Variants in OSBPL9 observed in about 807,000 individuals in gnomAD.
OSBPL9 encodes the protein oxysterol binding protein like 9.
A neutral mutation model predicts 106.6 loss-of-function variants in OSBPL9; 40 were observed. The ratio of observed to expected loss-of-function variants is 0.38; its 90% CI spans 0.29 to 0.49. OSBPL9 has a LOEUF of 0.49. OSBPL9 is among the 20% of genes least tolerant of loss of function. The pLI is 0.97. For synonymous variants in OSBPL9, 269 were observed against 295.4 expected (o/e 0.91, Z 0.92); for missense variants, 609 against 887.2 (o/e 0.69, Z 3.98).
chr1:51,630,759 A>G (rs1214213710), intron 1 of OSBPL9, among the ~76,000 whole-genome samples: 1 of 152,162 alleles, frequency 6.6e-6, no homozygotes, highest in Non-Finnish European at 1.5e-5. Context: ...ATAAACTTTT[A>G]ATTTTTTTAA....
chr1:51,735,821 G>T (rs1665554105), intron 4 of OSBPL9, among the ~76,000 whole-genome samples: 1 of 152,204 alleles, frequency 6.6e-6, no homozygotes, highest in Admixed American at 6.5e-5. Context: ...GATTGTCATT[G>T]CCTCATCTTG....
rs1647038981 is a variant in OSBPL9 at position 51,659,980 on chromosome 1, G to T, written c.162+7939G>T. Among the ~76,000 whole-genome samples, 3 of 152,096 alleles carry T rather than the reference G, an allele frequency of 2.0e-5. No individual in the cohort carries two copies. The South Asian group carries it at 6.2e-4, about 32-fold the overall frequency. ...TGGTATGGTGGTGTTATAAGAGACA[G>T]AAATAGATTAGCGGAATGGAAGAGA... On this transcript the variant is annotated intron_variant, in intron 2 of 23. Coordinates refer to ENST00000428468, the MANE Select transcript of OSBPL9 (RefSeq NM_024586.6).
chr1:51,611,188 A>G (rs1173761203), intron 2 of OSBPL9, among the ~76,000 whole-genome samples: 1 of 151,956 alleles, frequency 6.6e-6, no homozygotes, highest in Non-Finnish European at 1.5e-5. Context: ...CCTGAAAATC[A>G]TAGCTTTTCC....
At chr1:51,712,966 AC>A (rs1660365821) in intron 3 of OSBPL9, among the ~76,000 whole-genome samples, 1 of 152,136 alleles carries the variant, frequency 6.6e-6, no homozygotes, top group Non-Finnish European at 1.5e-5. Context: ...TTTCTGGGCC[AC>A]CCATATGACC....
intron 3 of OSBPL9, among the ~76,000 whole-genome samples, chr1:51,694,980 G>A (rs1235078638): frequency 6.6e-6 from 1 of 152,076 alleles, no homozygotes; most frequent in Non-Finnish European, 1.5e-5. Context: ...TTTGTCATTT[G>A]TTCTTTGTAG....
intron 1 of OSBPL9, among the ~76,000 whole-genome samples, chr1:51,639,913 C>T (rs1292455196): frequency 6.7e-6 from 1 of 148,606 alleles, no homozygotes; most frequent in African/African-American, 2.5e-5. Flanking sequence ...CAGCCTTGAC[C>T]TCCTGGGCTC....
intron 1 of OSBPL9, among the ~76,000 whole-genome samples, chr1:51,619,018 AC>A (rs1320478972): frequency 6.6e-6 from 1 of 152,226 alleles, no homozygotes; most frequent in Non-Finnish European, 1.5e-5. Flanking sequence ...AAAAGACTAA[AC>A]CTTAATGAGT....
At chr1:51,732,575 C>G (rs1664703739) in intron 4 of OSBPL9, among the ~76,000 whole-genome samples, 1 of 152,178 alleles carries the variant, frequency 6.6e-6, no homozygotes. Context: ...TCCTTATTTT[C>G]CATCTCCAGT....
intron 12 of OSBPL9, among the ~76,000 whole-genome samples, chr1:51,767,221 C>T (rs1230550090): frequency 6.6e-6 from 1 of 151,778 alleles, no homozygotes; most frequent in Non-Finnish European, 1.5e-5. Flanking sequence ...TGGTAAAACC[C>T]TGTCTCTAAA....
intron 1 of OSBPL9, 48 bp downstream of exon 1, chr1:51,617,269 C>G: frequency 6.5e-7 from 1 of 1,546,562 alleles, no homozygotes. Flanking sequence ...GCCGCGTTTC[C>G]TGGGTGGAGG....
chr1:51,626,505 C>G (rs1032195008), intron 1 of OSBPL9, among the ~76,000 whole-genome samples: 2 of 151,782 alleles, frequency 1.3e-5, no homozygotes, highest in African/African-American at 4.8e-5. Flanking sequence ...TAGCCTGTTG[C>G]TTTTTATTCT....
rs552701602 is a variant in OSBPL9 at position 51,589,148 on chromosome 1, G to A, written c.-422-8976G>A. Among the ~76,000 whole-genome samples the A allele has an allele frequency of 1.9e-3, 283 of 152,000 alleles. 1 individual carries two copies. The highest frequency in any genetic ancestry group is 6.1e-3 in the African/African-American group (255 of 41,464). ...CTGTCACCCAGGCTGGAGTGCAGTG[G>A]CACGATCTCAACTCACTGCAGCCTT... On this transcript the variant is annotated intron_variant, in intron 1 of 25. Coordinates refer to the OSBPL9 transcript ENST00000371714.
chr1:51,740,949 A>C (rs1571454589), intron 4 of OSBPL9, among the ~76,000 whole-genome samples: 1 of 152,330 alleles, frequency 6.6e-6, no homozygotes, highest in South Asian at 2.1e-4. Context: ...TCTCCAAAGC[A>C]ACTATAATTT....
At chr1:51,766,116 T>A in intron 12 of OSBPL9, 135 bp downstream of exon 12, 1 of 926,010 alleles carries the variant, frequency 1.1e-6, no homozygotes, top group Non-Finnish European at 1.5e-6. Context: ...GCAACCTTTT[T>A]AATAGAAGTT....
upstream of OSBPL9, among the ~76,000 whole-genome samples, chr1:51,573,066 G>T (rs1473784828): frequency 6.6e-6 from 1 of 152,076 alleles, no homozygotes; most frequent in Admixed American, 6.5e-5. Flanking sequence ...ACAAAAATTA[G>T]CTGGGTGTGA....
Position 51,789,075 on chromosome 1 carries a change from T to TTTA in OSBPL9, c.*1290_*1292dup, listed in dbSNP as rs1678401323. The TTTA allele has an allele frequency of 1.9e-5, 14 of 720,002 alleles. No homozygotes were observed. Among genetic ancestry groups the TTTA allele is most frequent in the East Asian group, 5.4e-5 (2 of 36,990 alleles). The allele number at this position is 720,002 out of a possible 1,614,324, so 44.6% of individuals were successfully genotyped here. ...TGCCAGCTCCTACAGTAACCCTGGG[T>TTTA]TTATTAGTCTCAACAAAGGATAAAA... On this transcript the variant is annotated 3_prime_UTR_variant, in exon 24 of 24. Coordinates refer to ENST00000428468, the MANE Select transcript of OSBPL9 (RefSeq NM_024586.6).
chr1:51,684,349 A>G (rs1384359980), intron 3 of OSBPL9, among the ~76,000 whole-genome samples: 2 of 152,142 alleles, frequency 1.3e-5, no homozygotes, highest in African/African-American at 4.8e-5. Context: ...AATGTACTGT[A>G]TTCTTGCAAA....
chr1:51,772,003 G>A (rs1343249978), intron 12 of OSBPL9, 67 bp from the exon 13 acceptor site: 20 of 1,156,012 alleles, frequency 1.7e-5, no homozygotes, highest in African/African-American at 6.2e-5. Flanking sequence ...CTAACTGTAC[G>A]AGTCTAGCTT....
rs6657723 is a variant in OSBPL9, at chr1:51,745,855, A to G, written c.414+224A>G. Among the ~76,000 whole-genome samples, 874 of 152,248 alleles carry G rather than the reference A, an allele frequency of 5.7e-3. 2 individuals carry two copies. Among genetic ancestry groups the G allele is most frequent in the African/African-American group, 0.02 (829 of 41,482 alleles). ...ATAATGCTTTTTTGGTCATTAAGAA[A>G]AAAAAGGTAAATATGTAGGCATAAT... On this transcript the variant is annotated intron_variant, in intron 5 of 23. Coordinates refer to ENST00000428468, the MANE Select transcript of OSBPL9 (RefSeq NM_024586.6).
Sources: gnomAD v4.1 joint callset for allele counts (sites outside exome capture counted in the v4.1 genomes callset) on GRCh38, gnomAD v4.1.1 for gene constraint, MANE v1.5 for transcripts, NCBI Gene and HGNC (gene_info 2026-07-23, HGNC 2026-07-21) for gene names.